Variants in SPAG9 observed in about 807,000 individuals in gnomAD.
SPAG9 encodes the protein sperm associated antigen 9, also known as C-Jun-amino-terminal kinase-interacting protein 4.
A neutral mutation model predicts 166.5 loss-of-function variants in SPAG9; 35 were observed. The ratio of observed to expected loss-of-function variants is 0.21; its 90% CI spans 0.16 to 0.28. The LOEUF (loss-of-function observed/expected upper bound fraction) is 0.28, where lower values mean the gene tolerates loss of function less well. SPAG9 is among the 10% of genes least tolerant of loss of function. The probability of loss-of-function intolerance (pLI) is 1.00; values close to 1 mark genes in which losing one functional copy is unlikely to be tolerated. For synonymous variants in SPAG9, 534 were observed against 565.5 expected, an observed-to-expected ratio of 0.94 and a Z score of 0.79; for missense variants, 1,235 against 1,603.3, an observed-to-expected ratio of 0.77 and a Z score of 3.92.
Position 51,089,617 on chromosome 17 carries a change from ATT to A in SPAG9, c.304-9915_304-9914del, listed in dbSNP as rs1304479721. Among the ~76,000 whole-genome samples, 630 of 68,632 alleles carry A rather than the reference ATT, an allele frequency of 9.2e-3. 11 individuals carry two copies. Among genetic ancestry groups the A allele is most frequent in the African/African-American group, 0.041 (559 of 13,770 alleles). 45.0% of individuals were successfully genotyped at this position (68,632 alleles called of 152,430 possible). Reference sequence around the variant, plus strand: ...TATTATATGTATATATATACACTTTATTTTATATATATATATATATATATATA... The same window carrying A: ...TATTATATGTATATATATACACTTTATTATATATATATATATATATATATA... On this transcript the variant is annotated intron_variant, in intron 1 of 29. Transcript: ENST00000262013.
rs753124858 is a variant in SPAG9, at chr17:51,005,184, GA to G, written c.1476+27del. On this transcript the variant is annotated intron_variant, in intron 12 of 29. Coordinates refer to ENST00000262013, the MANE Select transcript of SPAG9 (RefSeq NM_001130528.3). ...GAAACACCAAAACATGGTAAGGTAA[GA>G]AAAAAAGTCCAAAATTGTAAACCTA... The G allele has an allele frequency of 8.1e-6, 13 of 1,607,724 alleles. No individual in the cohort carries two copies. In the East Asian group the frequency reaches 2.9e-4, roughly 36 times the overall value.
At chr17:51,075,176 A>T (rs1367269603) in intron 2 of SPAG9, among the ~76,000 whole-genome samples, 1 of 142,742 alleles carries the variant, frequency 7.0e-6, no homozygotes, top group Non-Finnish European at 1.5e-5. Context: ...AGCCTGGGCA[A>T]CAGAGCCAGA....
At chr17:51,012,929 C>T (rs2045551107) in intron 9 of SPAG9, among the ~76,000 whole-genome samples, 1 of 151,640 alleles carries the variant, frequency 6.6e-6, no homozygotes, top group South Asian at 2.1e-4. Context: ...ATATTTTTCG[C>T]CATGTTGCCC....
Position 50,998,525 on chromosome 17 carries a change from G to A in SPAG9, c.1757C>T (p.Thr586Ile), listed in dbSNP as rs752655692. The change falls in exon 15 of 30, where the codon ACT (threonine) becomes ATT (isoleucine). Residue 586 changes from threonine to isoleucine, a missense_variant. Around this residue, in one of 6 missense-constraint regions of SPAG9, gnomAD observed 493 missense variants for 559.4 expected, o/e 0.88. Transcript: ENST00000262013. ...GCTGCTTCTTTTCTTGACGGACGGA[G>A]TAACATGAGACGTGGGTGCATTGTA... ...LKYNAPTSHVTPSVKKRSSTL... is the reference protein window; with the variant it reads ...LKYNAPTSHVIPSVKKRSSTL... The A allele has an allele frequency of 1.2e-6, 2 of 1,614,162 alleles. No individual in the cohort carries two copies. Among genetic ancestry groups the A allele is most frequent in the Non-Finnish European group, 1.7e-6 (2 of 1,179,994 alleles).
chr17:50,989,633 G>C (rs1047720128), intron 21 of SPAG9, 44 bp downstream of exon 21: 1 of 1,500,012 alleles, frequency 6.7e-7, no homozygotes, highest in Non-Finnish European at 9.3e-7. Context: ...CCTTTTATTT[G>C]TGCACTTCAC....
At chr17:51,009,995 G>A (rs1275243401) in intron 9 of SPAG9, among the ~76,000 whole-genome samples, 1 of 151,640 alleles carries the variant, frequency 6.6e-6, no homozygotes. Flanking sequence ...TTCTATTCAA[G>A]ACTTAAATGA....
chr17:50,981,988 A>G (rs4794199), intron 25 of SPAG9, among the ~76,000 whole-genome samples: 88,529 of 150,968 alleles, frequency 0.59, 26,603 homozygotes, highest in African/African-American at 0.69. Flanking sequence ...AGCCAAGAAC[A>G]TGCCACTGCA....
chr17:51,034,817 C>T (rs762055315), intron 5 of SPAG9, among the ~76,000 whole-genome samples: 1 of 152,116 alleles, frequency 6.6e-6, no homozygotes, highest in Non-Finnish European at 1.5e-5. Flanking sequence ...TATATCCACA[C>T]CAAGATACTA....
intron 1 of SPAG9, among the ~76,000 whole-genome samples, chr17:51,087,961 T>G (rs2048345903): frequency 6.6e-6 from 1 of 152,076 alleles, no homozygotes; most frequent in African/African-American, 2.4e-5. Context: ...CCCAGCCTGG[T>G]CTCGAATTCC....
intron 1 of SPAG9, among the ~76,000 whole-genome samples, chr17:51,097,850 G>A (rs1312255656): frequency 6.6e-6 from 1 of 152,134 alleles, no homozygotes; most frequent in Admixed American, 6.6e-5. Context: ...GGGTTGGAGT[G>A]CAGGTGACAC....
At chr17:51,101,672 G>T (rs1390519214) in intron 1 of SPAG9, among the ~76,000 whole-genome samples, 1 of 151,998 alleles carries the variant, frequency 6.6e-6, no homozygotes, top group African/African-American at 2.4e-5. Flanking sequence ...TGCCCAGGCT[G>T]GAGTGCAATG....
At chr17:51,111,673 G>A (rs576891266) in intron 1 of SPAG9, among the ~76,000 whole-genome samples, 2 of 152,144 alleles carry the variant, frequency 1.3e-5, no homozygotes, top group South Asian at 2.1e-4. Flanking sequence ...CAAGATATTG[G>A]CTCACTACAA....
chr17:51,106,171 C>T (rs999503887), intron 1 of SPAG9, among the ~76,000 whole-genome samples: 15 of 148,720 alleles, frequency 1.0e-4, no homozygotes, highest in Non-Finnish European at 1.8e-4. Flanking sequence ...GGCATGATGG[C>T]ATACACCTGT....
chr17:51,101,008 T>C (rs897316015), intron 1 of SPAG9, among the ~76,000 whole-genome samples: 1 of 151,840 alleles, frequency 6.6e-6, no homozygotes, highest in African/African-American at 2.4e-5. Flanking sequence ...CAAGTTCAAA[T>C]GGACTATTTT....
chr17:51,108,966 G>A (rs1357615129), intron 1 of SPAG9, among the ~76,000 whole-genome samples: 2 of 151,664 alleles, frequency 1.3e-5, no homozygotes, highest in Non-Finnish European at 2.9e-5. Flanking sequence ...GGGTTCAAGC[G>A]ATTCTCCTGC....
At chr17:51,080,886 CAAAAAA>C (rs200436430) in intron 1 of SPAG9, among the ~76,000 whole-genome samples, 1 of 67,850 alleles carries the variant, frequency 1.5e-5, no homozygotes, top group Non-Finnish European at 2.5e-5. Context: ...GACTCTATCT[CAAAAAA>C]AAAAAAAAAA....
intron 16 of SPAG9, chr17:50,996,290 G>T (rs2044676306): frequency 6.1e-6 from 2 of 328,836 alleles, no homozygotes; most frequent in Non-Finnish European, 1.1e-5. Flanking sequence ...AACCAGAATT[G>T]CTCTGGTTAC....
chr17:51,098,873 G>T (rs995836109), intron 1 of SPAG9, among the ~76,000 whole-genome samples: 4 of 151,810 alleles, frequency 2.6e-5, no homozygotes, highest in African/African-American at 9.6e-5. Context: ...AGGCCAAGGC[G>T]GGCGGATCAC....
chr17:51,110,720 T>G (rs1235073951), intron 1 of SPAG9, among the ~76,000 whole-genome samples: 1 of 152,078 alleles, frequency 6.6e-6, no homozygotes, highest in Non-Finnish European at 1.5e-5. Context: ...ACCCTCAACT[T>G]GGTACTTCTC....
Sources: allele counts gnomAD v4.1 joint callset (sites outside exome capture counted in the v4.1 genomes callset), GRCh38; gene constraint gnomAD v4.1.1; regional missense constraint gnomAD v4.1.1; transcripts MANE v1.5; gene names NCBI Gene and HGNC (gene_info 2026-07-23, HGNC 2026-07-21).